Variants in POLA2 observed in about 807,000 individuals in gnomAD.
The protein encoded by POLA2 is DNA polymerase alpha subunit B.
A neutral mutation model predicts 82.8 loss-of-function variants in POLA2; 47 were observed. The observed-to-expected ratio is 0.57, with a 90% CI of 0.45 to 0.72. The LOEUF (loss-of-function observed/expected upper bound fraction) is 0.72. Ranked by LOEUF, POLA2 falls within the 30% of genes least tolerant of loss-of-function variation. The pLI, the probability that POLA2 is intolerant of heterozygous loss-of-function variation, is 0.00. For missense variants in POLA2, 634 were observed against 728.1 expected (o/e 0.87, Z 1.49); for synonymous variants, 287 against 286.8 (o/e 1.00, Z -0.01).
At chr11:65,292,045 C>T (rs949164879) in intron 13 of POLA2, among the ~76,000 whole-genome samples, 10 of 152,202 alleles carry the variant, frequency 6.6e-5, no homozygotes, top group Non-Finnish European at 1.0e-4. Flanking sequence ...TCAAGACCAA[C>T]CTGGCCAACA....
chr11:65,300,938 G>A (rs1949856241), downstream of POLA2, among the ~76,000 whole-genome samples: 1 of 152,238 alleles, frequency 6.6e-6, no homozygotes, highest in African/African-American at 2.4e-5. Flanking sequence ...GCAGCAGCAT[G>A]TATCAGTCCG....
In POLA2 at chr11:65,267,006, G is replaced by A. The variant is rs369911746; in HGVS notation, c.204+300G>A. Among the ~76,000 whole-genome samples the A allele has an allele frequency of 2.6e-5, 4 of 152,332 alleles. No individual in the cohort carries two copies. In the South Asian group the frequency reaches 8.3e-4, roughly 32 times the overall value. On this transcript the variant is annotated intron_variant, in intron 2 of 17. Transcript: ENST00000265465. ...GCAGATCACAAGGTCAGGAGTTCAA[G>A]ACCAGCCTGGCCAACGTGGTGAAAC...
At chr11:65,294,706 C>T in intron 15 of POLA2, 54 bp downstream of exon 15, 1 of 1,250,532 alleles carries the variant, frequency 8.0e-7, no homozygotes, top group South Asian at 1.2e-5. Flanking sequence ...TGGTCCCAGC[C>T]CTTTCTGCAG....
intron 5 of POLA2, among the ~76,000 whole-genome samples, chr11:65,276,847 A>G (rs1949585937): frequency 6.8e-6 from 1 of 146,382 alleles, no homozygotes; most frequent in Non-Finnish European, 1.5e-5. Flanking sequence ...GCTGGAGTGC[A>G]GTGGCACCAT....
chr11:65,266,810 C>A, intron 2 of POLA2, 104 bp downstream of exon 2: 1 of 1,221,418 alleles, frequency 8.2e-7, no homozygotes, highest in Non-Finnish European at 1.2e-6. Context: ...CGAGTCAGGC[C>A]TGGATTCCAG....
At chr11:65,303,654 T>C (rs1949870258), downstream of POLA2, among the ~76,000 whole-genome samples, 1 of 152,164 alleles carries the variant, frequency 6.6e-6, no homozygotes, top group African/African-American at 2.4e-5. Context: ...GCTCTCAGAA[T>C]CCCTGCTCCC....
At position 65,278,753 on chromosome 11, in the gene POLA2, A is replaced by C; in HGVS notation, c.485A>C (p.Asn162Thr). 1 of 1,613,476 alleles carries C rather than the reference A, an allele frequency of 6.2e-7. No individual in the cohort carries two copies. Among genetic ancestry groups the C allele is most frequent in the African/African-American group, 1.3e-5 (1 of 74,990 alleles). ...SPSATPSQKY[N>T]SRSNRGEVVT... ...AGTGCTACTCCCTCCCAGAAATACA[A>C]CTCACGAAGTAACCGAGGAGAAGTG... Residue 162 changes from asparagine (N) to threonine (T), a missense_variant, in exon 6 of 18, where the codon AAC (asparagine) becomes ACC (threonine). Coordinates refer to ENST00000265465, the MANE Select transcript of POLA2 (RefSeq NM_002689.4).
intron 5 of POLA2, among the ~76,000 whole-genome samples, chr11:65,276,886 G>A (rs1949586522): frequency 6.6e-6 from 1 of 151,528 alleles, no homozygotes; most frequent in Non-Finnish European, 1.5e-5. Context: ...CTGCCTCCCG[G>A]TTCAAGCGAT....
chr11:65,287,531 T>C, intron 10 of POLA2, 185 bp from the exon 11 acceptor site: 1 of 423,772 alleles, frequency 2.4e-6, no homozygotes, highest in East Asian at 3.6e-5. Flanking sequence ...TGTCTCTGTC[T>C]CTATCACCTA....
At chr11:65,274,779 CTAAGAT>C (rs1221925992) in intron 4 of POLA2, among the ~76,000 whole-genome samples, 3 of 151,764 alleles carry the variant, frequency 2.0e-5, no homozygotes, top group African/African-American at 7.3e-5. Flanking sequence ...TATATTTAAA[CTAAGAT>C]TATGACTATA....
At chr11:65,285,585 AAAAAAG>A (rs1949688075) in intron 10 of POLA2, among the ~76,000 whole-genome samples, 1 of 151,740 alleles carries the variant, frequency 6.6e-6, no homozygotes, top group South Asian at 2.1e-4. Flanking sequence ...AAAAAAAAAA[AAAAAAG>A]AAAAAGAAAA....
At chr11:65,302,515 T>C (rs2039428739), downstream of POLA2, among the ~76,000 whole-genome samples, 1 of 152,068 alleles carries the variant, frequency 6.6e-6, no homozygotes, top group Non-Finnish European at 1.5e-5. Context: ...TCCCAGCGAA[T>C]AGGGGGAAAA....
At chr11:65,276,443 C>T (rs1949580504) in intron 5 of POLA2, among the ~76,000 whole-genome samples, 1 of 151,536 alleles carries the variant, frequency 6.6e-6, no homozygotes, top group African/African-American at 2.4e-5. Flanking sequence ...TGTTTCATAA[C>T]CTGTTTATTG....
At chr11:65,275,060 G>C (rs1949562297) in intron 4 of POLA2, among the ~76,000 whole-genome samples, 1 of 152,128 alleles carries the variant, frequency 6.6e-6, no homozygotes, top group Admixed American at 6.5e-5. Flanking sequence ...AGTAGAATAA[G>C]GGATTTTTTT....
Position 65,267,532 on chromosome 11 carries a change from A to G in POLA2, c.260A>G (p.His87Arg). 1 of 1,612,100 alleles carries G rather than the reference A, an allele frequency of 6.2e-7. No homozygotes were observed. The highest frequency in any genetic ancestry group is 1.1e-5 in the South Asian group (1 of 90,724). ...ARHSTCKDSG[H>R]AGARDIVSIQ... ...CATAGTACCTGCAAGGACAGTGGCC[A>G]TGCAGGAGCTAGAGACATTGTTTCC... Residue 87 changes from histidine to arginine, a missense_variant, in exon 3 of 18, where the codon CAT (histidine) becomes CGT (arginine). Coordinates refer to ENST00000265465, the MANE Select transcript of POLA2 (RefSeq NM_002689.4).
intron 5 of POLA2, 88 bp downstream of exon 5, chr11:65,276,086 T>C (rs1949576623): frequency 4.5e-6 from 3 of 667,152 alleles, no homozygotes; most frequent in African/African-American, 3.8e-5. Flanking sequence ...AGCAGAGTTA[T>C]TAATTAACTA....
chr11:65,263,411 A>T (rs1017002942), intron 1 of POLA2, among the ~76,000 whole-genome samples: 2 of 151,892 alleles, frequency 1.3e-5, no homozygotes, highest in African/African-American at 4.8e-5. Context: ...TTTAGTAGAG[A>T]AGGGGTTTCA....
chr11:65,282,490 T>A lies in POLA2; in HGVS notation c.975T>A (p.Leu325=). 1 of 1,613,804 alleles carries A rather than the reference T, an allele frequency of 6.2e-7. No individual in the cohort carries two copies. Among genetic ancestry groups the A allele is most frequent in the Non-Finnish European group, 8.5e-7 (1 of 1,179,730 alleles). The change falls in exon 10 of 18, where the codon CTT becomes CTA. Residue 325 remains leucine (L), a synonymous_variant. Coordinates refer to ENST00000265465, the MANE Select transcript of POLA2 (RefSeq NM_002689.4). ...TCCCCTGTTTTTAGGGTGTGCCACT[T>A]CCATTTTATCAGCCCACTGAAGAGG... The part of the protein sequence containing the change: ...VATKLYEGVP[L]PFYQPTEEDA...
At chr11:65,262,427 C>A in intron 1 of POLA2, 56 bp downstream of exon 1, 1 of 1,464,848 alleles carries the variant, frequency 6.8e-7, no homozygotes, top group Non-Finnish European at 9.4e-7. Context: ...CGCCCGAGTT[C>A]CTCGGCGCCT....
Sources: allele counts gnomAD v4.1 joint callset (sites outside exome capture counted in the v4.1 genomes callset), GRCh38; gene constraint gnomAD v4.1.1; transcripts MANE v1.5; gene names NCBI Gene and HGNC (gene_info 2026-07-23, HGNC 2026-07-21).